COL25A1: variants seen among roughly 807,000 people sequenced by gnomAD.
COL25A1 encodes collagen type XXV alpha 1 chain.
Under a neutral mutation model 128.4 loss-of-function variants are expected in COL25A1, and 103 were observed. The ratio of observed to expected loss-of-function variants is 0.80; its 90% confidence interval spans 0.68 to 0.94. COL25A1 has a LOEUF of 0.94. Ranked by LOEUF, COL25A1 falls within the 40% of genes least tolerant of loss-of-function variation. COL25A1 has a pLI of 0.00. For missense variants in COL25A1, 745 were observed against 840.0 expected (o/e 0.89, Z 1.40); for synonymous variants, 279 against 277.2 (o/e 1.01, Z -0.06).
chr4:109,015,015 T>C (rs963471006), intron 5 of COL25A1, among the ~76,000 whole-genome samples: 2 of 150,076 alleles, frequency 1.3e-5, no homozygotes, highest in South Asian at 2.1e-4. Context: ...GTCGTCCTAA[T>C]AGAGCCATCT....
chr4:108,828,425 G>A (rs1207377581), intron 32 of COL25A1, among the ~76,000 whole-genome samples: 3 of 152,104 alleles, frequency 2.0e-5, no homozygotes, highest in South Asian at 2.1e-4. Context: ...GTGAGCCACC[G>A]TGCCTGGCCT....
At chr4:108,940,767 A>C (rs1578834363) in intron 9 of COL25A1, 121 bp from the exon 10 acceptor site, 1 of 642,426 alleles carries the variant, frequency 1.6e-6, no homozygotes, top group Non-Finnish European at 2.6e-6. Flanking sequence ...GAACCAGAAC[A>C]ACCACAAATA....
At chr4:109,205,238 AT>A (rs1335843392) in intron 3 of COL25A1, among the ~76,000 whole-genome samples, 1 of 152,178 alleles carries the variant, frequency 6.6e-6, no homozygotes, top group Non-Finnish European at 1.5e-5. Context: ...CTTAAAATAG[AT>A]TAAATATTTT....
Position 108,884,182 on chromosome 4 carries a change from A to T in COL25A1, c.1016T>A (p.Ile339Lys). 6.2e-7 allele frequency: 1 copy of T among 1,613,788 alleles called. No individual in the cohort carries two copies. Among genetic ancestry groups the T allele is most frequent in the South Asian group, 1.1e-5 (1 of 91,070 alleles). ...GACTGTCCGTGCAGTATTTACCTTT[A>T]TCCCCGGAAGTCCAGGAAGCCCAGG... ...GLPGLPGLPG[I>K]KGEPGFIGPQ... The change falls in exon 19 of 38, where the codon ATA becomes AAA. Residue 339 changes from isoleucine (I) to lysine (K), a missense_variant. Physicochemically the swap from Ile to Lys is moderately radical, Grantham distance 102. Transcript: ENST00000399132.
intron 13 of COL25A1, among the ~76,000 whole-genome samples, chr4:108,910,231 G>T (rs1012601833): frequency 2.0e-5 from 3 of 151,970 alleles, no homozygotes; most frequent in East Asian, 1.9e-4. Context: ...TCTTTCTCTT[G>T]GAAAGAGAAT....
chr4:108,895,938 C>CTTTTTT lies in COL25A1; in HGVS notation c.906+723_906+728dup, dbSNP rs35506597. Among the ~76,000 whole-genome samples the CTTTTTT allele has an allele frequency of 4.5e-4, 32 of 70,826 alleles. 1 individual carries two copies. The highest frequency in any genetic ancestry group is 1.4e-3 in the East Asian group (3 of 2,126). 46.5% of individuals were successfully genotyped at this position (70,826 alleles called of 152,430 possible). On this transcript the variant is annotated intron_variant, in intron 16 of 37. Coordinates refer to ENST00000399132, the MANE Select transcript of COL25A1 (RefSeq NM_198721.4). Reference sequence around the variant, plus strand: ...ATCATTCTTAAGCCTTATAATCAAACTTTTTTTTTTTTTTTTTTTTTTTTT... The same window carrying CTTTTTT: ...ATCATTCTTAAGCCTTATAATCAAACTTTTTTTTTTTTTTTTTTTTTTTTTTTTTTT...
Position 108,991,237 on chromosome 4 carries a change from CAT to C in COL25A1, c.439-16680_439-16679del, listed in dbSNP as rs1159632924. ...GAATTGAGAGGAATATATTAGAAAA[CAT>C]AGCATAAAGTAGGCAATAGAAATTC... On this transcript the variant is annotated intron_variant, in intron 6 of 37. Coordinates refer to ENST00000399132, the MANE Select transcript of COL25A1 (RefSeq NM_198721.4). Among the ~76,000 whole-genome samples the C allele has an allele frequency of 7.9e-5, 12 of 152,068 alleles. No individual in the cohort carries two copies. The East Asian group carries it at 2.3e-3, about 29-fold the overall frequency.
Position 108,860,318 on chromosome 4 carries a change from C to T in COL25A1, c.1243-585G>A, listed in dbSNP as rs185827995. ...TGTTGGGCAGGCTGGCTTTGAACTCCTGACCTCAGGTGATCCACCAGCCTT... is the reference window on the plus strand; with the variant it reads ...TGTTGGGCAGGCTGGCTTTGAACTCTTGACCTCAGGTGATCCACCAGCCTT... On this transcript the variant is annotated intron_variant, in intron 23 of 37. Transcript: ENST00000399132. Among the ~76,000 whole-genome samples the T allele has an allele frequency of 1.5e-4, 23 of 152,256 alleles. No individual in the cohort carries two copies. In the East Asian group the frequency reaches 4.5e-3, roughly 29 times the overall value.
At chr4:108,833,453 T>C (rs111241006) in intron 31 of COL25A1, among the ~76,000 whole-genome samples, 152 of 152,314 alleles carry the variant, frequency 1.0e-3, no homozygotes, top group African/African-American at 3.4e-3. Flanking sequence ...AAAATAATGA[T>C]TGCCTGAAAC....
intron 3 of COL25A1, among the ~76,000 whole-genome samples, chr4:109,093,471 A>C (rs898921974): frequency 5.3e-5 from 8 of 151,502 alleles, no homozygotes; most frequent in Non-Finnish European, 8.8e-5. Context: ...AAAAAAAAAA[A>C]AAAAACCTTT....
At chr4:108,940,438 C>T in intron 10 of COL25A1, 101 bp downstream of exon 10, 1 of 918,088 alleles carries the variant, frequency 1.1e-6, no homozygotes, top group Non-Finnish European at 1.8e-6. Flanking sequence ...ACTCACTTGA[C>T]CCCCTGACCT....
chr4:109,097,437 TAAA>T (rs35833171), intron 3 of COL25A1, among the ~76,000 whole-genome samples: 1 of 117,114 alleles, frequency 8.5e-6, no homozygotes. Flanking sequence ...AAACCCTGTC[TAAA>T]AAAAAAAAAA....
At chr4:109,081,000 G>C (rs553939774) in intron 3 of COL25A1, among the ~76,000 whole-genome samples, 11 of 152,160 alleles carry the variant, frequency 7.2e-5, no homozygotes, top group Non-Finnish European at 1.6e-4. Context: ...GTAACAAAAA[G>C]TTTCAGAGAA....
intron 3 of COL25A1, among the ~76,000 whole-genome samples, chr4:109,170,128 T>C (rs1011716915): frequency 3.3e-5 from 5 of 152,154 alleles, no homozygotes; most frequent in African/African-American, 1.2e-4. Flanking sequence ...TTTTATTGAA[T>C]CAATTTTCCA....
intron 27 of COL25A1, among the ~76,000 whole-genome samples, chr4:108,847,747 T>C (rs1735280905): frequency 6.6e-6 from 1 of 152,212 alleles, no homozygotes; most frequent in Non-Finnish European, 1.5e-5. Flanking sequence ...ATCTAAGGTA[T>C]CTATGTTTCT....
In COL25A1 at chr4:109,015,011, CTAA is replaced by C. The variant is rs565623323; in HGVS notation, c.421-4639_421-4637del. ...GGCAGCGCCGAGTCTTGCAGTCGTCCTAATAGAGCCATCTGGCCAAACCAGGGC... is the reference window on the plus strand; with the variant it reads ...GGCAGCGCCGAGTCTTGCAGTCGTCCTAGAGCCATCTGGCCAAACCAGGGC... On this transcript the variant is annotated intron_variant, in intron 5 of 37. Coordinates refer to ENST00000399132, the MANE Select transcript of COL25A1 (RefSeq NM_198721.4). Among the ~76,000 whole-genome samples, 1,067 of 152,302 alleles carry C rather than the reference CTAA, an allele frequency of 7.0e-3. 5 individuals carry two copies. Among genetic ancestry groups the C allele is most frequent in the Non-Finnish European group, 0.011 (778 of 68,022 alleles).
At chr4:108,984,237 TAC>T (rs1268358976) in intron 6 of COL25A1, among the ~76,000 whole-genome samples, 3 of 152,102 alleles carry the variant, frequency 2.0e-5, no homozygotes, top group South Asian at 2.1e-4. Flanking sequence ...TTGAGGTAGA[TAC>T]AGAGTGCCAA....
intron 25 of COL25A1, among the ~76,000 whole-genome samples, 166 bp downstream of exon 25, chr4:108,852,736 C>G (rs1425440504): frequency 1.3e-5 from 2 of 152,150 alleles, no homozygotes; most frequent in East Asian, 3.9e-4. Flanking sequence ...TTTCACTAAG[C>G]AGACAAAGTG....
At chr4:108,919,704 C>A (rs1312990162) in intron 12 of COL25A1, among the ~76,000 whole-genome samples, 1 of 151,942 alleles carries the variant, frequency 6.6e-6, no homozygotes, top group African/African-American at 2.4e-5. Context: ...AATATATTTA[C>A]TGCTATAGGA....
Sources: gnomAD v4.1 joint callset for allele counts (sites outside exome capture counted in the v4.1 genomes callset) on GRCh38, gnomAD v4.1.1 for gene constraint, MANE v1.5 for transcripts, NCBI Gene and HGNC (gene_info 2026-07-23, HGNC 2026-07-21) for gene names.